Variants in CELSR3 observed in about 807,000 individuals in gnomAD.
The protein encoded by CELSR3 is cadherin EGF LAG seven-pass G-type receptor 3.
In CELSR3, 73 loss-of-function variants were observed where a neutral mutation model predicts 270.0. That is an observed-to-expected ratio of 0.27 (90% CI 0.22 to 0.33). The LOEUF (loss-of-function observed/expected upper bound fraction) is 0.33. Ranked by LOEUF, CELSR3 falls within the 10% of genes least tolerant of loss-of-function variation. The pLI is 1.00. For synonymous variants in CELSR3, 1,780 were observed against 1,905.4 expected (o/e 0.93, Z 1.71); for missense variants, 3,614 against 4,533.8 (o/e 0.80, Z 5.83).
Position 48,651,397 on chromosome 3 carries a change from G to C in CELSR3, c.6148C>G (p.Pro2050Ala), listed in dbSNP as rs2047136029. The change falls in exon 14 of 35, where the codon CCC becomes GCC. Residue 2050 changes from proline (P) to alanine (A), a missense_variant. Pro to Ala is a conservative substitution (Grantham distance 27, BLOSUM62 -1). This residue lies in a region of CELSR3 where 1,331 missense variants were observed against 1,933.7 expected (regional missense o/e 0.69). Coordinates refer to ENST00000164024, the MANE Select transcript of CELSR3 (RefSeq NM_001407.3). This position sits in a 1 kb window ranked among gnomAD's most constrained non-coding sequence, Gnocchi z 7.4. The part of the protein sequence containing the change: ...CNCDVHKGFD[P>A]NCNKTNGQCH... ...TGCCCATTTGTCTTGTTGCAGTTGG[G>C]ATCAAAACCTTTGTGAACATCACAG... 3.1e-6 allele frequency: 5 copies of C among 1,613,962 alleles called. No individual in the cohort carries two copies. Among genetic ancestry groups the C allele is most frequent in the African/African-American group, 1.3e-5 (1 of 74,926 alleles).
chr3:48,652,003 G>A lies in CELSR3; in HGVS notation c.5797C>T (p.Pro1933Ser). 1.3e-6 allele frequency: 2 copies of A among 1,585,242 alleles called. No homozygotes were observed. Among genetic ancestry groups the A allele is most frequent in the East Asian group, 2.2e-5 (1 of 44,614 alleles). ...STPSGSPALL[P>S]PSHRVNAEPG... ...TCCGCATTCACTCGGTGGCTGGGGG[G>A]TAGCAGGGCCGGGGAGCCAGAGGGT... Residue 1933 changes from proline (P) to serine (S), a missense_variant, in exon 12 of 35, where the codon CCC (proline) becomes TCC (serine). Around this residue, in one of 7 missense-constraint regions of CELSR3, gnomAD observed 1,331 missense variants for 1,933.7 expected, o/e 0.69. Coordinates refer to ENST00000164024, the MANE Select transcript of CELSR3 (RefSeq NM_001407.3). This position sits in a 1 kb window ranked among gnomAD's most constrained non-coding sequence, Gnocchi z 4.3.
chr3:48,644,977 G>T lies in CELSR3; in HGVS notation c.7972+58C>A. 2 of 1,549,396 alleles carry T rather than the reference G, an allele frequency of 1.3e-6. No homozygotes were observed. The highest frequency in any genetic ancestry group is 1.8e-6 in the Non-Finnish European group (2 of 1,138,586). On this transcript the variant is annotated intron_variant, in intron 25 of 34. Transcript: ENST00000164024. This position sits in a 1 kb window ranked among gnomAD's most constrained non-coding sequence, Gnocchi z 4.8. ...GGTTGGGGGTCATGAGCAGGAGTGG[G>T]GACAGGGTCAGGGGTCAGGCCATGT...
intron 16 of CELSR3, among the ~76,000 whole-genome samples, chr3:48,649,505 G>C (rs2047118178): frequency 6.6e-6 from 1 of 152,204 alleles, no homozygotes; most frequent in Non-Finnish European, 1.5e-5. Context: ...TAGATGTGCT[G>C]GTTCACACAG....
rs1424950312 is a variant in CELSR3 at position 48,640,736 on chromosome 3, G to A, written c.9026-177C>T. On this transcript the variant is annotated intron_variant, in intron 33 of 34. Transcript: ENST00000164024. The surrounding 1 kb of genome is among the most constrained non-coding windows in gnomAD (Gnocchi z 7.5). ...TGGTCCCAGAGAGGCAGCAGGACAG[G>A]GGTCAGAGTGGAAGGGCAGTCATCT... The A allele has an allele frequency of 2.0e-5, 13 of 657,034 alleles. No individual in the cohort carries two copies. The East Asian group carries it at 3.4e-4, about 17-fold the overall frequency. The allele number at this position is 657,034 out of a possible 1,614,324, so 40.7% of individuals were successfully genotyped here.
In CELSR3 at chr3:48,645,518, G is replaced by T; in HGVS notation, c.7722C>A (p.Ile2574=). Residue 2574 remains isoleucine, a synonymous_variant, in exon 24 of 35, where the codon ATC becomes ATA. Transcript: ENST00000164024. The surrounding 1 kb of genome is among the most constrained non-coding windows in gnomAD (Gnocchi z 5.4). The part of the protein sequence containing the change: ...LRSLKSNVRG[I]HANVAAALGV... Reference sequence around the variant, plus strand: ...CCAGGGCGGCTGCCACATTGGCATGGATCCCACGCACATTGGACTTGAGGC... The same window carrying T: ...CCAGGGCGGCTGCCACATTGGCATGTATCCCACGCACATTGGACTTGAGGC... 1 of 1,612,786 alleles carries T rather than the reference G, an allele frequency of 6.2e-7. No individual in the cohort carries two copies. Among genetic ancestry groups the T allele is most frequent in the South Asian group, 1.1e-5 (1 of 91,080 alleles).
chr3:48,640,145 C>A lies in CELSR3; in HGVS notation c.9440G>T (p.Gly3147Val). The change falls in exon 34 of 35, where the codon GGG (glycine) becomes GTG (valine). Residue 3147 changes from glycine (G) to valine (V), a missense_variant. Around this residue, in one of 7 missense-constraint regions of CELSR3, gnomAD observed 1,240 missense variants for 1,351.7 expected, o/e 0.92. Coordinates refer to ENST00000164024, the MANE Select transcript of CELSR3 (RefSeq NM_001407.3). The surrounding 1 kb of genome is among the most constrained non-coding windows in gnomAD (Gnocchi z 7.5). ...CGTGCTCAACCACTCTCGAGGTGCC[C>A]CTAAGTCGAGCGCATCCCGTGACCC... ...RFGSRDALDL[G>V]APREWLSTLP... is the part of the protein sequence containing the mutation. The A allele has an allele frequency of 6.2e-7, 1 of 1,612,484 alleles. No individual in the cohort carries two copies. Among genetic ancestry groups the A allele is most frequent in the Non-Finnish European group, 8.5e-7 (1 of 1,179,922 alleles).
At chr3:48,648,241 C>CCCCCCA in intron 19 of CELSR3, 25 bp downstream of exon 19, 4 of 1,318,116 alleles carry the variant, frequency 3.0e-6, no homozygotes, top group Non-Finnish European at 4.3e-6. Context: ...CTGCTGTGCC[C>CCCCCCA]CGCCCTACCC....
Position 48,646,759 on chromosome 3 carries a change from G to C in CELSR3, c.7295+4C>G, listed in dbSNP as rs1327600468. ...GGAAGCTCAGGGGTGAGGGGCCTGAGTACCTGGCACCTCGGCGTTCTGCCT... is the reference window on the plus strand; with the variant it reads ...GGAAGCTCAGGGGTGAGGGGCCTGACTACCTGGCACCTCGGCGTTCTGCCT... On this transcript the variant is annotated splice_donor_region_variant and intron_variant, in intron 21 of 34. Transcript: ENST00000164024. The surrounding 1 kb of genome is among the most constrained non-coding windows in gnomAD (Gnocchi z 4.8). 2 of 1,607,858 alleles carry C rather than the reference G, an allele frequency of 1.2e-6. No homozygotes were observed. The highest frequency in any genetic ancestry group is 1.7e-6 in the Non-Finnish European group (2 of 1,178,198).
rs1244339109 is a variant in CELSR3 at position 48,637,886 on chromosome 3, C to T, written c.*319G>A. ...CAAATGGGGTCAAACTGCATCTCTCCCTCTATCTCCCTCCCCCTCCCAGCC... is the reference window on the plus strand; with the variant it reads ...CAAATGGGGTCAAACTGCATCTCTCTCTCTATCTCCCTCCCCCTCCCAGCC... On this transcript the variant is annotated 3_prime_UTR_variant, in exon 35 of 35. Coordinates refer to ENST00000164024, the MANE Select transcript of CELSR3 (RefSeq NM_001407.3). 1 of 373,114 alleles carries T rather than the reference C, an allele frequency of 2.7e-6. No individual in the cohort carries two copies. Among genetic ancestry groups the T allele is most frequent in the South Asian group, 4.7e-5 (1 of 21,460 alleles). 23.1% of individuals were successfully genotyped at this position (373,114 alleles called of 1,614,324 possible).
Position 48,652,606 on chromosome 3 carries a change from G to A in CELSR3, c.5635-53C>T. ...AGGGAGAGGGGCCTGATGAACCCCT[G>A]TCATAGCCCAGAGTCAGTCTTGGCC... is the stretch of plus-strand genomic sequence containing the variant. On this transcript the variant is annotated intron_variant, in intron 10 of 34. Transcript: ENST00000164024. This position sits in a 1 kb window ranked among gnomAD's most constrained non-coding sequence, Gnocchi z 4.3. 7.2e-7 allele frequency: 1 copy of A among 1,389,342 alleles called. No individual in the cohort carries two copies. The highest frequency in any genetic ancestry group is 9.9e-7 in the Non-Finnish European group (1 of 1,005,552). 86.1% of individuals were successfully genotyped at this position (1,389,342 alleles called of 1,614,324 possible).
Position 48,645,563 on chromosome 3 carries a change from G to A in CELSR3, c.7677C>T (p.Ala2559=), listed in dbSNP as rs2047073359. 6.2e-7 allele frequency: 1 copy of A among 1,612,528 alleles called. No homozygotes were observed. Among genetic ancestry groups the A allele is most frequent in the Non-Finnish European group, 8.5e-7 (1 of 1,179,998 alleles). ...TGAGGCTGCGCAGGCTCAGCAGGAT[G>A]GCTGCAGTCAGCACCAGCGCAGCCA... ...VSVAALVLTA[A]ILLSLRSLKS... The change falls in exon 24 of 35, where the codon GCC becomes GCT. Residue 2559 remains alanine (A), a synonymous_variant. Transcript: ENST00000164024. This position sits in a 1 kb window ranked among gnomAD's most constrained non-coding sequence, Gnocchi z 5.4.
Position 48,656,828 on chromosome 3 carries a change from G to A in CELSR3, c.4269C>T (p.Cys1423=), listed in dbSNP as rs534018514. ...AAAAGTCTCCCGTGAATCCGGGCGG[G>A]CAGCGGCAGCGCAGGCCAGCGATGG... is the stretch of plus-strand genomic sequence containing the variant. ...IQPIAGLRCR[C]PPGFTGDFCE... is the part of the protein sequence containing the mutation. Residue 1423 remains cysteine (C), a synonymous_variant, in exon 2 of 35, where the codon TGC becomes TGT. Coordinates refer to ENST00000164024, the MANE Select transcript of CELSR3 (RefSeq NM_001407.3). 16 of 1,607,776 alleles carry A rather than the reference G, an allele frequency of 1.0e-5. No homozygotes were observed. In the East Asian group the frequency reaches 2.7e-4, roughly 27 times the overall value.
At position 48,641,848 on chromosome 3, in the gene CELSR3, C is replaced by A. The variant is rs1256018263; in HGVS notation, c.8824+3G>T. 13 of 1,458,618 alleles carry A rather than the reference C, an allele frequency of 8.9e-6. No homozygotes were observed. The highest frequency in any genetic ancestry group is 8.5e-5 in the Admixed American group (3 of 35,340). The allele number at this position is 1,458,618 out of a possible 1,614,324, so 90.4% of individuals were successfully genotyped here. A position where few individuals can be genotyped will look rare whatever the true frequency, so the allele number is the denominator to read the frequency against. ...ACCCAAGGGGTCAGAGGGCGCCTGG[C>A]ACCTTTGGGGTGGGTGAGGAGCCTC... On this transcript the variant is annotated splice_donor_region_variant and intron_variant, in intron 32 of 34. Transcript: ENST00000164024. This position sits in a 1 kb window ranked among gnomAD's most constrained non-coding sequence, Gnocchi z 4.8.
In CELSR3 at chr3:48,641,936, G is replaced by T; in HGVS notation, c.8739C>A (p.Ser2913Arg). ...ERSLSIPSSE[S>R]EDNGRTRGRF... Reference sequence around the variant, plus strand: ...GCCCCCGCGTCCGGCCATTGTCCTCGCTTTCTGAAGATGGAATGGAGAGAC... The same window carrying T: ...GCCCCCGCGTCCGGCCATTGTCCTCTCTTTCTGAAGATGGAATGGAGAGAC... The change falls in exon 32 of 35, where the codon AGC (serine) becomes AGA (arginine). Residue 2913 changes from serine to arginine, a missense_variant. Around this residue, in one of 7 missense-constraint regions of CELSR3, gnomAD observed 1,240 missense variants for 1,351.7 expected, o/e 0.92. Coordinates refer to ENST00000164024, the MANE Select transcript of CELSR3 (RefSeq NM_001407.3). This position sits in a 1 kb window ranked among gnomAD's most constrained non-coding sequence, Gnocchi z 4.8. 1 of 1,602,732 alleles carries T rather than the reference G, an allele frequency of 6.2e-7. No individual in the cohort carries two copies. The highest frequency in any genetic ancestry group is 1.1e-5 in the South Asian group (1 of 89,634).
Position 48,662,359 on chromosome 3 carries a change from C to G in CELSR3, c.276G>C (p.Arg92Ser). 3 of 1,613,046 alleles carry G rather than the reference C, an allele frequency of 1.9e-6. No homozygotes were observed. Among genetic ancestry groups the G allele is most frequent in the Non-Finnish European group, 2.5e-6 (3 of 1,180,008 alleles). The part of the protein sequence containing the change: ...EPIFVGLRGR[R>S]QSARNSRGPP... ...GCCCTCGACTATTCCGGGCGCTTTG[C>G]CTTCTCCCTCGGAGCCCCACGAAGA... is the stretch of plus-strand genomic sequence containing the variant. Residue 92 changes from arginine (R) to serine (S), a missense_variant, in exon 1 of 35, where the codon AGG (arginine) becomes AGC (serine). This residue lies in a region of CELSR3 where 470 missense variants were observed against 469.7 expected (regional missense o/e 1.00). Coordinates refer to ENST00000164024, the MANE Select transcript of CELSR3 (RefSeq NM_001407.3). The surrounding 1 kb of genome is among the most constrained non-coding windows in gnomAD (Gnocchi z 7.1).
rs2077044091 is a variant in CELSR3 at position 48,658,810 on chromosome 3, T to C, written c.3748+77A>G. 2 of 1,540,098 alleles carry C rather than the reference T, an allele frequency of 1.3e-6. No homozygotes were observed. Among genetic ancestry groups the C allele is most frequent in the Non-Finnish European group, 8.8e-7 (1 of 1,135,352 alleles). ...GGAAGGCTTAGAAATCCCTCTTTGG[T>C]TTGAGGTGCCCTGTGGAGTCCCTGA... On this transcript the variant is annotated intron_variant, in intron 1 of 34. Transcript: ENST00000164024. This position sits in a 1 kb window ranked among gnomAD's most constrained non-coding sequence, Gnocchi z 4.7.
rs1385153400 is a variant in CELSR3 at position 48,651,938 on chromosome 3, G to C, written c.5862C>G (p.Pro1954=). ...CVVTNACASG[P]CPPHADCRDL... The stretch of plus-strand genomic sequence containing the variant: ...CCCGGCAGTCTGCGTGAGGTGGGCA[G>C]GGCCCAGAGGCACAGGCGTTGGTCA... Residue 1954 remains proline, a synonymous_variant, in exon 12 of 35, where the codon CCC becomes CCG. Transcript: ENST00000164024. This position sits in a 1 kb window ranked among gnomAD's most constrained non-coding sequence, Gnocchi z 7.4. 6.2e-7 allele frequency: 1 copy of C among 1,611,098 alleles called. No individual in the cohort carries two copies. Among genetic ancestry groups the C allele is most frequent in the Non-Finnish European group, 8.5e-7 (1 of 1,179,212 alleles).
In CELSR3 at chr3:48,642,549, C is replaced by A; in HGVS notation, c.8556-82G>T. 6.8e-7 allele frequency: 1 copy of A among 1,479,782 alleles called. No individual in the cohort carries two copies. Among genetic ancestry groups the A allele is most frequent in the Non-Finnish European group, 9.2e-7 (1 of 1,088,872 alleles). 91.7% of individuals were successfully genotyped at this position (1,479,782 alleles called of 1,614,324 possible). A position where few individuals can be genotyped will look rare whatever the true frequency, so the allele number is the denominator to read the frequency against. ...GGCTGGAGTGTCTTTGAGTGCACAG[C>A]CAGCTGCGGGTGGAATGGCATCCCT... On this transcript the variant is annotated intron_variant, in intron 30 of 34. Transcript: ENST00000164024. The surrounding 1 kb of genome is among the most constrained non-coding windows in gnomAD (Gnocchi z 6.1).
Position 48,656,303 on chromosome 3 carries a change from C to A in CELSR3, c.4462G>T (p.Gly1488Cys). ...CCGTTGGGCGCGTCGGTGCAGGTGCCCCCGTTGCGGCAGACGCCCGGCACG... is the reference window on the plus strand; with the variant it reads ...CCGTTGGGCGCGTCGGTGCAGGTGCACCCGTTGCGGCAGACGCCCGGCACG... ...RCVPGVCRNG[G>C]TCTDAPNGGF... Residue 1488 changes from glycine (G) to cysteine (C), a missense_variant, in exon 3 of 35, where the codon GGC (glycine) becomes TGC (cysteine). Coordinates refer to ENST00000164024, the MANE Select transcript of CELSR3 (RefSeq NM_001407.3). 1 of 1,504,466 alleles carries A rather than the reference C, an allele frequency of 6.6e-7. No individual in the cohort carries two copies. Among genetic ancestry groups the A allele is most frequent in the Admixed American group, 2.2e-5 (1 of 45,114 alleles). The allele number at this position is 1,504,466 out of a possible 1,614,324, so 93.2% of individuals were successfully genotyped here.
Sources: allele counts gnomAD v4.1 joint callset (sites outside exome capture counted in the v4.1 genomes callset), GRCh38; gene constraint gnomAD v4.1.1; regional missense constraint gnomAD v4.1.1; non-coding constraint Gnocchi (gnomAD v3.1); transcripts MANE v1.5; gene names NCBI Gene and HGNC (gene_info 2026-07-23, HGNC 2026-07-21).